LRRTM4: variants seen among roughly 807,000 people sequenced by gnomAD.
LRRTM4 encodes the protein leucine-rich repeat transmembrane neuronal protein 4.
In LRRTM4, 25 loss-of-function variants were observed where a neutral mutation model predicts 47.6. That is an observed-to-expected ratio of 0.53 (90% CI 0.38 to 0.73). The LOEUF is 0.73. LRRTM4 is among the 30% of genes least tolerant of loss of function. The pLI is 0.00. For synonymous variants in LRRTM4, 311 were observed against 269.5 expected (o/e 1.15, Z -1.51); for missense variants, 638 against 713.4 (o/e 0.89, Z 1.20).
chr2:77,140,907 C>G (rs1259195420), intron 3 of LRRTM4, among the ~76,000 whole-genome samples: 1 of 152,138 alleles, frequency 6.6e-6, no homozygotes, highest in Non-Finnish European at 1.5e-5. Context: ...AAATGAAAAT[C>G]AAAACCACAG....
chr2:76,827,010 T>C (rs1671208689), intron 3 of LRRTM4, among the ~76,000 whole-genome samples: 1 of 151,864 alleles, frequency 6.6e-6, no homozygotes, highest in African/African-American at 2.4e-5. Flanking sequence ...TGCACGTCCT[T>C]CTCGTGAAGA....
At chr2:77,293,238 C>G (rs1676879514) in intron 3 of LRRTM4, among the ~76,000 whole-genome samples, 1 of 152,050 alleles carries the variant, frequency 6.6e-6, no homozygotes. Flanking sequence ...AAAGTTCTGA[C>G]TATAACCAAA....
At chr2:76,863,690 T>C (rs1672385292) in intron 3 of LRRTM4, among the ~76,000 whole-genome samples, 1 of 152,174 alleles carries the variant, frequency 6.6e-6, no homozygotes, top group Non-Finnish European at 1.5e-5. Context: ...TAATATTCAA[T>C]AGATGCTACT....
At chr2:76,774,367 T>G (rs982329477) in intron 3 of LRRTM4, among the ~76,000 whole-genome samples, 16 of 149,092 alleles carry the variant, frequency 1.1e-4, no homozygotes, top group Non-Finnish European at 1.5e-5. Context: ...AATTTTTGTA[T>G]TTTTAGTAGA....
At chr2:76,945,041 T>C (rs1025147602) in intron 3 of LRRTM4, among the ~76,000 whole-genome samples, 2 of 151,992 alleles carry the variant, frequency 1.3e-5, no homozygotes, top group Admixed American at 6.6e-5. Flanking sequence ...AATCTGAGGA[T>C]TCAAAAACTT....
intron 3 of LRRTM4, among the ~76,000 whole-genome samples, chr2:77,477,509 C>T (rs1360127887): frequency 6.6e-6 from 1 of 152,008 alleles, no homozygotes; most frequent in Non-Finnish European, 1.5e-5. Flanking sequence ...TCTGTCATTG[C>T]TATATACTAT....
intron 3 of LRRTM4, among the ~76,000 whole-genome samples, chr2:77,157,180 T>C (rs1021131738): frequency 2.0e-5 from 3 of 152,114 alleles, no homozygotes; most frequent in Non-Finnish European, 2.9e-5. Context: ...AATGATCAAA[T>C]GTTGGCTAAA....
chr2:77,393,568 T>A (rs886687918), intron 3 of LRRTM4, among the ~76,000 whole-genome samples: 5 of 152,028 alleles, frequency 3.3e-5, no homozygotes, highest in Admixed American at 2.0e-4. Context: ...AAAGAGCTTA[T>A]GTTTTATCCG....
At chr2:77,028,533 T>C (rs1328168010) in intron 3 of LRRTM4, among the ~76,000 whole-genome samples, 2 of 152,084 alleles carry the variant, frequency 1.3e-5, no homozygotes, top group Non-Finnish European at 2.9e-5. Context: ...TGGAAGAGGA[T>C]AGAAGGAACT....
At chr2:77,357,044 T>G (rs572449517) in intron 3 of LRRTM4, among the ~76,000 whole-genome samples, 35 of 152,260 alleles carry the variant, frequency 2.3e-4, no homozygotes, top group African/African-American at 7.9e-4. Context: ...AAATAATACC[T>G]AGATACTATA....
chr2:76,883,023 G>C (rs1672974639), intron 3 of LRRTM4, among the ~76,000 whole-genome samples: 1 of 152,150 alleles, frequency 6.6e-6, no homozygotes, highest in Non-Finnish European at 1.5e-5. Context: ...GCCAGGTAAA[G>C]TCTCAACTCC....
intron 3 of LRRTM4, among the ~76,000 whole-genome samples, chr2:77,240,473 T>A (rs549889077): frequency 1.3e-5 from 2 of 152,012 alleles, no homozygotes; most frequent in Non-Finnish European, 2.9e-5. Flanking sequence ...CATAGAGCTA[T>A]ACTAACATAC....
intron 3 of LRRTM4, among the ~76,000 whole-genome samples, chr2:77,356,878 A>C (rs1377535771): frequency 6.6e-6 from 1 of 152,154 alleles, no homozygotes; most frequent in East Asian, 1.9e-4. Context: ...ATTGTTGTGA[A>C]GGCCTAATTA....
At chr2:76,891,261 C>T (rs745976778) in intron 3 of LRRTM4, among the ~76,000 whole-genome samples, 1 of 151,746 alleles carries the variant, frequency 6.6e-6, no homozygotes, top group Non-Finnish European at 1.5e-5. Flanking sequence ...GAGAGGTTCT[C>T]AAGGAAATTT....
intron 3 of LRRTM4, among the ~76,000 whole-genome samples, chr2:77,055,867 AG>A: frequency 6.6e-6 from 1 of 151,990 alleles, no homozygotes; most frequent in Middle Eastern, 3.4e-3. Context: ...GCCATAAAAA[AG>A]GATGAGTTCA....
intron 3 of LRRTM4, among the ~76,000 whole-genome samples, chr2:76,825,757 G>T (rs1322124851): frequency 2.0e-5 from 3 of 151,420 alleles, no homozygotes; most frequent in Admixed American, 6.6e-5. Context: ...AGAGTGCAAA[G>T]GTCGAGCTGC....
intron 3 of LRRTM4, among the ~76,000 whole-genome samples, chr2:77,492,614 T>C (rs774818853): frequency 2.2e-4 from 34 of 152,094 alleles, no homozygotes; most frequent in Non-Finnish European, 4.0e-4. Context: ...TTCCTGCAAC[T>C]TTATATATGA....
intron 3 of LRRTM4, among the ~76,000 whole-genome samples, chr2:77,121,445 A>C (rs990646775): frequency 3.3e-5 from 5 of 151,876 alleles, no homozygotes; most frequent in African/African-American, 4.8e-5. Context: ...GATAAGACAT[A>C]TTAATTGTTA....
Position 77,078,279 on chromosome 2 carries a change from C to T in LRRTM4, c.1552-329363G>A, listed in dbSNP as rs150324733. On this transcript the variant is annotated intron_variant, in intron 3 of 3. Coordinates refer to ENST00000409884, the MANE Select transcript of LRRTM4 (RefSeq NM_001134745.3). ...ATTTGTTCTAAGTGTTAGTTTCTCT[C>T]GTTGCTATTTTCTTTTCATACCTAG... Among the ~76,000 whole-genome samples the T allele has an allele frequency of 6.4e-3, 968 of 152,168 alleles. 13 individuals carry two copies. The highest frequency in any genetic ancestry group is 0.022 in the African/African-American group (919 of 41,500).
Sources: allele counts gnomAD v4.1 joint callset (sites outside exome capture counted in the v4.1 genomes callset), GRCh38; gene constraint gnomAD v4.1.1; transcripts MANE v1.5; gene names NCBI Gene and HGNC (gene_info 2026-07-23, HGNC 2026-07-21).